GALC: variants seen among roughly 807,000 people sequenced by gnomAD.
GALC encodes galactosylceramidase, also known as galactocerebrosidase.
Under a neutral mutation model 91.8 loss-of-function variants are expected in GALC, and 77 were observed. The ratio of observed to expected loss-of-function variants is 0.84; its 90% CI spans 0.70 to 1.01. The LOEUF (loss-of-function observed/expected upper bound fraction) is 1.01. GALC is among the 50% of genes least tolerant of loss of function. The pLI, the probability that GALC is intolerant of heterozygous loss-of-function variation, is 0.00. For missense variants in GALC, 882 were observed against 855.9 expected, an observed-to-expected ratio of 1.03 and a Z score of -0.38; for synonymous variants, 357 against 306.7, an observed-to-expected ratio of 1.16 and a Z score of -1.71.
chr14:87,980,482 G>C, intron 6 of GALC: 1 of 981,616 alleles, frequency 1.0e-6, no homozygotes, highest in Non-Finnish European at 1.2e-6. Flanking sequence ...TTCATGACTT[G>C]TTTTTCCCCC....
chr14:87,984,458 T>G lies in GALC; in HGVS notation c.518A>C (p.Tyr173Ser). ...WPYVNLQLTA[Y>S]YVVTWIVGAK... ...GCCCACAATCCAGGTCACGACATAATAGGCAGTCAGCTGAAGATTGACATA... is the reference window on the plus strand; with the variant it reads ...GCCCACAATCCAGGTCACGACATAAGAGGCAGTCAGCTGAAGATTGACATA... Residue 173 changes from tyrosine (Y) to serine (S), a missense_variant, in exon 5 of 17, where the codon TAT becomes TCT. Transcript: ENST00000261304. 4 of 1,614,076 alleles carry G rather than the reference T, an allele frequency of 2.5e-6. No homozygotes were observed. Among genetic ancestry groups the G allele is most frequent in the Non-Finnish European group, 3.4e-6 (4 of 1,179,950 alleles).
At chr14:87,942,538 C>G (rs960592988) in intron 14 of GALC, among the ~76,000 whole-genome samples, 25 of 151,960 alleles carry the variant, frequency 1.6e-4, no homozygotes, top group African/African-American at 5.8e-4. Flanking sequence ...TACTCAGTAT[C>G]TAACTGCAAG....
chr14:87,963,366 G>C lies in GALC; in HGVS notation c.1161+18C>G. On this transcript the variant is annotated intron_variant, in intron 10 of 16. Coordinates refer to ENST00000261304, the MANE Select transcript of GALC (RefSeq NM_000153.4). ...AGTAAAGAAGTGAGTTAATCCAATA[G>C]CAACAACAAAAGTTTACCATGGTTT... is the stretch of plus-strand genomic sequence containing the variant. 1 of 1,611,752 alleles carries C rather than the reference G, an allele frequency of 6.2e-7. No homozygotes were observed.
chr14:87,992,321 T>A, intron 1 of GALC: 2 of 1,535,724 alleles, frequency 1.3e-6, no homozygotes, highest in Non-Finnish European at 1.7e-6. Context: ...TCGGCCACCA[T>A]GAAGCCCATG....
chr14:87,934,914 TGAAA>T, intron 16 of GALC, 36 bp from the exon 17 acceptor site: 1 of 1,484,814 alleles, frequency 6.7e-7, no homozygotes, highest in Non-Finnish European at 9.4e-7. Context: ...TGAAACCATA[TGAAA>T]ATGGTCCTCT....
intron 6 of GALC, among the ~76,000 whole-genome samples, chr14:87,977,034 G>C (rs912501723): frequency 3.0e-5 from 3 of 98,658 alleles, no homozygotes; most frequent in East Asian, 5.6e-4. Flanking sequence ...TAGAAATATG[G>C]GGGGGGGGGG....
chr14:87,977,963 A>G (rs535384059), intron 6 of GALC, among the ~76,000 whole-genome samples: 3 of 152,296 alleles, frequency 2.0e-5, no homozygotes, highest in African/African-American at 4.8e-5. Flanking sequence ...GATCCTTTGT[A>G]GCAAACCGAG....
At chr14:87,955,115 A>AT in intron 10 of GALC, 2 of 1,354,160 alleles carry the variant, frequency 1.5e-6, no homozygotes. Flanking sequence ...TTTGTGTTAG[A>AT]TGAAAGCAGC....
Position 87,993,181 on chromosome 14 carries a change from C to G in GALC, c.-17G>C. Reference sequence around the variant, plus strand: ...CTCAGCCATTGTGTGGGTCACATGACTCCGGCGCCCAGGGAGGCGGGTCCC... The same window carrying G: ...CTCAGCCATTGTGTGGGTCACATGAGTCCGGCGCCCAGGGAGGCGGGTCCC... On this transcript the variant is annotated 5_prime_UTR_variant, in exon 1 of 17. Transcript: ENST00000261304. The G allele has an allele frequency of 6.3e-7, 1 of 1,577,188 alleles. No individual in the cohort carries two copies. The highest frequency in any genetic ancestry group is 8.6e-7 in the Non-Finnish European group (1 of 1,161,274).
intron 10 of GALC, chr14:87,954,940 G>A: frequency 1.3e-6 from 2 of 1,509,444 alleles, no homozygotes; most frequent in Non-Finnish European, 1.8e-6. Context: ...CATCCGTGTA[G>A]ACTCAAAGCT....
At chr14:87,941,579 T>C (rs775002574) in intron 14 of GALC, 21 bp from the exon 15 acceptor site, 6 of 1,447,690 alleles carry the variant, frequency 4.1e-6, no homozygotes, top group African/African-American at 1.4e-5. Context: ...AAACGGTTGA[T>C]TAGTACTCTT....
chr14:87,991,199 G>GT (rs989462117), intron 1 of GALC, among the ~76,000 whole-genome samples: 2 of 151,980 alleles, frequency 1.3e-5, no homozygotes, highest in South Asian at 2.1e-4. Context: ...TGGTTTTTGG[G>GT]TTTTTTTGTT....
upstream of GALC, chr14:87,993,612 G>C: frequency 1.4e-6 from 1 of 728,766 alleles, no homozygotes; most frequent in Non-Finnish European, 2.3e-6. Context: ...CCTTATGTGA[G>C]ATGAGGCGAG....
rs2139941538 is a variant in GALC, at chr14:87,941,511, G to A, written c.1718C>T (p.Thr573Ile). 1.3e-6 allele frequency: 2 copies of A among 1,595,934 alleles called. No individual in the cohort carries two copies. The highest frequency in any genetic ancestry group is 1.7e-6 in the Non-Finnish European group (2 of 1,163,872). Residue 573 changes from threonine to isoleucine, a missense_variant, in exon 15 of 17, where the codon ACA becomes ATA. Coordinates refer to ENST00000261304, the MANE Select transcript of GALC (RefSeq NM_000153.4). ...KCDVYIETPDTGGVFIAGRVN... is the reference protein window; with the variant it reads ...KCDVYIETPDIGGVFIAGRVN... ...TCTTCCTGCAATGAACACACCTCCT[G>A]TGTCAGGGGTCTCTATGTATACATC...
At position 87,934,104 on chromosome 14, in the gene GALC, C is replaced by A; in HGVS notation, c.*628G>T. 1.3e-6 allele frequency: 2 copies of A among 1,507,344 alleles called. No individual in the cohort carries two copies. Among genetic ancestry groups the A allele is most frequent in the South Asian group, 1.2e-5 (1 of 80,942 alleles). The allele number at this position is 1,507,344 out of a possible 1,614,324, so 93.4% of individuals were successfully genotyped here. A position where few individuals can be genotyped will look rare whatever the true frequency, so the allele number is the denominator to read the frequency against. The stretch of plus-strand genomic sequence containing the variant: ...CCAATTAATCTGCTAATATCTATTA[C>A]TGCAGAAATAGTGTTAGAGGTAGTT... On this transcript the variant is annotated 3_prime_UTR_variant, in exon 17 of 17. Transcript: ENST00000261304.
At chr14:87,938,518 T>C (rs1884689814) in intron 16 of GALC, among the ~76,000 whole-genome samples, 1 of 151,992 alleles carries the variant, frequency 6.6e-6, no homozygotes, top group South Asian at 2.1e-4. Context: ...CATGTGCACA[T>C]GTGCTGATTT....
chr14:87,940,985 T>G (rs1884811165), intron 15 of GALC, among the ~76,000 whole-genome samples: 1 of 151,986 alleles, frequency 6.6e-6, no homozygotes, highest in Admixed American at 6.6e-5. Context: ...ATTTTTCCAT[T>G]TTAAGCCGAT....
In GALC at chr14:87,993,151, A is replaced by G. The variant is rs779006223; in HGVS notation, c.14T>C (p.Leu5Pro). The change falls in exon 1 of 17, where the codon CTA (leucine) becomes CCA (proline). Residue 5 changes from leucine (L) to proline (P), a missense_variant. Leu to Pro is a moderately conservative substitution (Grantham distance 98). Transcript: ENST00000261304. MAEW[L>P]LSASWQRRAK... ...TCGGCGTTGCCAGGAAGCCGAGAGT[A>G]GCCACTCAGCCATTGTGTGGGTCAC... 15 of 1,590,654 alleles carry G rather than the reference A, an allele frequency of 9.4e-6. No individual in the cohort carries two copies. In the Admixed American group the frequency reaches 1.6e-4, roughly 17 times the overall value.
At chr14:87,957,896 T>C (rs1024898403) in intron 10 of GALC, among the ~76,000 whole-genome samples, 1 of 152,120 alleles carries the variant, frequency 6.6e-6, no homozygotes. Context: ...TGCTCATGGA[T>C]TGGAAGAATC....
Sources: gnomAD v4.1 joint callset for allele counts (sites outside exome capture counted in the v4.1 genomes callset) on GRCh38, gnomAD v4.1.1 for gene constraint, MANE v1.5 for transcripts, NCBI Gene and HGNC (gene_info 2026-07-23, HGNC 2026-07-21) for gene names.